The following DPP6 variants were observed in gnomAD, a reference collection of about 807,000 sequenced individuals.
The protein encoded by DPP6 is A-type potassium channel modulatory protein DPP6.
A neutral mutation model predicts 122.6 loss-of-function variants in DPP6; 69 were observed. The ratio of observed to expected loss-of-function variants is 0.56; its 90% CI spans 0.46 to 0.69. The LOEUF is 0.69. DPP6 is among the 30% of genes least tolerant of loss of function. The probability of loss-of-function intolerance (pLI) is 0.00; values close to 1 mark genes in which losing one functional copy is unlikely to be tolerated. For missense variants in DPP6, 928 were observed against 1,116.9 expected, an observed-to-expected ratio of 0.83 and a Z score of 2.41; for synonymous variants, 418 against 433.1, an observed-to-expected ratio of 0.97 and a Z score of 0.43.
chr7:154,246,184 A>T (rs548958980), intron 1 of DPP6, among the ~76,000 whole-genome samples: 1 of 152,314 alleles, frequency 6.6e-6, no homozygotes, highest in Middle Eastern at 3.4e-3. Context: ...GTTAATACAT[A>T]TTTTAAGCTA....
chr7:154,424,025 CAT>C (rs1409293238), intron 1 of DPP6, among the ~76,000 whole-genome samples: 2 of 152,152 alleles, frequency 1.3e-5, no homozygotes, highest in African/African-American at 4.8e-5. Flanking sequence ...AATGTGGACA[CAT>C]ATATGAAAAT....
intron 1 of DPP6, among the ~76,000 whole-genome samples, chr7:154,368,187 C>A (rs539245873): frequency 1.3e-5 from 2 of 152,148 alleles, no homozygotes; most frequent in Non-Finnish European, 2.9e-5. Context: ...AACCTTATAG[C>A]GTAAACCACA....
intron 5 of DPP6, among the ~76,000 whole-genome samples, chr7:154,602,530 G>A (rs1375950640): frequency 2.5e-5 from 3 of 118,820 alleles, no homozygotes; most frequent in African/African-American, 5.3e-5. Context: ...TGAGTCTCCC[G>A]CCTCAGCCTC....
chr7:154,593,823 A>G (rs1371169585), intron 5 of DPP6, among the ~76,000 whole-genome samples: 1 of 152,252 alleles, frequency 6.6e-6, no homozygotes, highest in Non-Finnish European at 1.5e-5. Flanking sequence ...GACCCAAGTC[A>G]TACTCACAAA....
intron 13 of DPP6, among the ~76,000 whole-genome samples, chr7:154,802,317 C>T (rs1007766612): frequency 2.6e-5 from 4 of 151,730 alleles, no homozygotes; most frequent in Non-Finnish European, 5.9e-5. Context: ...AGAACATCCG[C>T]ACTAAGAGCA....
intron 8 of DPP6, among the ~76,000 whole-genome samples, chr7:154,734,364 T>C (rs1050380230): frequency 6.6e-6 from 1 of 150,620 alleles, no homozygotes; most frequent in African/African-American, 2.4e-5. Flanking sequence ...AGATTCTTGA[T>C]TGGGTTCTGC....
At chr7:153,786,590 T>G in the DPP6 span, among the ~76,000 whole-genome samples, 1 of 151,080 alleles carries the variant, frequency 6.6e-6, no homozygotes, top group Non-Finnish European at 1.5e-5. Context: ...TACAAAAAAA[T>G]TAGCCGGGCG....
chr7:154,419,100 A>G (rs531433884), intron 1 of DPP6, among the ~76,000 whole-genome samples: 2 of 152,378 alleles, frequency 1.3e-5, no homozygotes, highest in Non-Finnish European at 2.9e-5. Context: ...GGAATTAATA[A>G]TGATCCTCAG....
At chr7:154,127,374 A>G (rs1461893504) in intron 1 of DPP6, among the ~76,000 whole-genome samples, 2 of 152,160 alleles carry the variant, frequency 1.3e-5, no homozygotes, top group African/African-American at 4.8e-5. Context: ...TTAGGTATAG[A>G]TTAAAATCTG....
intron 16 of DPP6, among the ~76,000 whole-genome samples, chr7:154,825,310 A>T (rs6972350): frequency 0.79 from 119,992 of 152,244 alleles, 47,437 homozygotes; most frequent in Non-Finnish European, 0.82. Flanking sequence ...ATACTTTTTA[A>T]ACTGCTCTGT....
At chr7:154,056,055 C>CA (rs1244020963) in intron 1 of DPP6, 2 of 152,202 alleles carry the variant, frequency 1.3e-5, no homozygotes, top group African/African-American at 4.8e-5. Context: ...ACAAGGCTAA[C>CA]ACAGAGAAAT....
At chr7:154,575,053 G>T (rs1831460872) in intron 5 of DPP6, among the ~76,000 whole-genome samples, 1 of 138,932 alleles carries the variant, frequency 7.2e-6, no homozygotes, top group East Asian at 3.4e-4. Context: ...TGTGGTGTGT[G>T]TGGTGTGTTT....
At chr7:154,104,671 A>G (rs1381231807) in intron 1 of DPP6, among the ~76,000 whole-genome samples, 2 of 152,272 alleles carry the variant, frequency 1.3e-5, no homozygotes, top group Non-Finnish European at 2.9e-5. Context: ...ACCTGTGCAT[A>G]ACAAACAGCC....
the DPP6 span, among the ~76,000 whole-genome samples, chr7:153,757,356 ATATTTTTCATTT>A: frequency 0.018 from 2,806 of 152,252 alleles, 24 homozygotes; most frequent in African/African-American, 0.035. Context: ...GAACAAGTTC[ATATTTTTCATTT>A]TGTTTTTCAT....
At chr7:153,989,304 AGT>A (rs762516045) in intron 1 of DPP6, among the ~76,000 whole-genome samples, 41 of 141,522 alleles carry the variant, frequency 2.9e-4, no homozygotes, top group Non-Finnish European at 4.0e-4. Flanking sequence ...CAAGTGTGTG[AGT>A]GTGGGGAGTA....
chr7:154,428,548 A>G (rs1400618604), intron 1 of DPP6, among the ~76,000 whole-genome samples: 1 of 152,212 alleles, frequency 6.6e-6, no homozygotes, highest in Admixed American at 6.6e-5. Flanking sequence ...ACCTGCACGC[A>G]TAGGCTTACT....
the DPP6 span, among the ~76,000 whole-genome samples, chr7:153,881,950 T>C: frequency 6.6e-6 from 1 of 152,212 alleles, no homozygotes; most frequent in Admixed American, 6.5e-5. Flanking sequence ...TTGTTGTCCA[T>C]ATTGTTAATT....
chr7:153,810,594 T>C, the DPP6 span, among the ~76,000 whole-genome samples: 3 of 152,064 alleles, frequency 2.0e-5, no homozygotes, highest in Non-Finnish European at 4.4e-5. Context: ...AATTGAATGA[T>C]ATTTTTCTCA....
chr7:154,080,173 G>A (rs1206801162), intron 1 of DPP6, among the ~76,000 whole-genome samples: 1 of 152,092 alleles, frequency 6.6e-6, no homozygotes, highest in African/African-American at 2.4e-5. Context: ...GACCCACAGT[G>A]GGAAGTGGGC....
Sources: allele counts gnomAD v4.1 joint callset (sites outside exome capture counted in the v4.1 genomes callset), GRCh38; gene constraint gnomAD v4.1.1; transcripts MANE v1.5; gene names NCBI Gene and HGNC (gene_info 2026-07-23, HGNC 2026-07-21).